Variants in SGMS1 observed in about 807,000 individuals in gnomAD.
SGMS1 encodes the protein phosphatidylcholine:ceramide cholinephosphotransferase 1.
In SGMS1, 13 loss-of-function variants were observed where a neutral mutation model predicts 46.2. The observed-to-expected ratio is 0.28, with a 90% CI of 0.18 to 0.45. SGMS1 has a LOEUF of 0.45. Ranked by LOEUF, SGMS1 falls within the 20% of genes least tolerant of loss-of-function variation. SGMS1 has a pLI of 1.00. For synonymous variants in SGMS1, 203 were observed against 187.8 expected (o/e 1.08, Z -0.66); for missense variants, 324 against 519.9 (o/e 0.62, Z 3.66).
chr10:50,476,487 A>G (rs1322181817), intron 3 of SGMS1, among the ~76,000 whole-genome samples: 1 of 152,118 alleles, frequency 6.6e-6, no homozygotes, highest in Admixed American at 6.6e-5. Flanking sequence ...AGAAAAGAAA[A>G]ACCCATTTTC....
At chr10:50,335,373 G>A (rs918367087) in intron 7 of SGMS1, 2 of 152,238 alleles carry the variant, frequency 1.3e-5, no homozygotes, top group Admixed American at 1.3e-4. Context: ...GGAACCAGGA[G>A]GATGCCAAGT....
At chr10:50,329,403 C>T (rs1847581120) in intron 7 of SGMS1, among the ~76,000 whole-genome samples, 1 of 152,148 alleles carries the variant, frequency 6.6e-6, no homozygotes, top group Admixed American at 6.6e-5. Context: ...CCATGTGAAA[C>T]TGTCAATGTT....
chr10:50,360,505 T>C (rs1848228974), intron 6 of SGMS1, among the ~76,000 whole-genome samples: 1 of 152,194 alleles, frequency 6.6e-6, no homozygotes, highest in African/African-American at 2.4e-5. Flanking sequence ...TCATTCTTAG[T>C]ACTAATTACC....
intron 6 of SGMS1, among the ~76,000 whole-genome samples, chr10:50,345,380 T>C (rs1014765408): frequency 6.6e-6 from 1 of 152,194 alleles, no homozygotes; most frequent in Non-Finnish European, 1.5e-5. Context: ...AACTTGCCCA[T>C]GGCCAAATGG....
chr10:50,400,781 TC>T (rs1848926747), intron 6 of SGMS1, among the ~76,000 whole-genome samples: 1 of 152,156 alleles, frequency 6.6e-6, no homozygotes, highest in Admixed American at 6.5e-5. Flanking sequence ...CTGTTCAATA[TC>T]AGTATGTGAC....
intron 5 of SGMS1, among the ~76,000 whole-genome samples, chr10:50,439,557 T>C (rs1177442355): frequency 6.6e-6 from 1 of 152,126 alleles, no homozygotes; most frequent in African/African-American, 2.4e-5. Context: ...ACATGAGAGA[T>C]GAAATCAATG....
chr10:50,338,463 A>G (rs1274274464), intron 7 of SGMS1, among the ~76,000 whole-genome samples: 1 of 152,214 alleles, frequency 6.6e-6, no homozygotes, highest in Non-Finnish European at 1.5e-5. Context: ...AATAAAATAT[A>G]TTCAAACAAA....
chr10:50,386,276 A>C (rs1220921682), intron 6 of SGMS1, among the ~76,000 whole-genome samples: 1 of 152,190 alleles, frequency 6.6e-6, no homozygotes, highest in Non-Finnish European at 1.5e-5. Context: ...TCAACTTTGG[A>C]AACACATGCC....
At chr10:50,496,531 C>T (rs1216876899) in intron 3 of SGMS1, among the ~76,000 whole-genome samples, 1 of 152,178 alleles carries the variant, frequency 6.6e-6, no homozygotes, top group Non-Finnish European at 1.5e-5. Flanking sequence ...CCCATTTGTC[C>T]TGTTCCTCAA....
chr10:50,368,605 C>T (rs1848387442), intron 6 of SGMS1, among the ~76,000 whole-genome samples: 1 of 152,232 alleles, frequency 6.6e-6, no homozygotes, highest in Non-Finnish European at 1.5e-5. Context: ...ATCTGCCCTC[C>T]TTGGCCTCCC....
intron 6 of SGMS1, among the ~76,000 whole-genome samples, chr10:50,424,418 TAAAAA>T (rs112261514): frequency 1.2e-4 from 18 of 152,010 alleles, no homozygotes; most frequent in African/African-American, 4.1e-4. Flanking sequence ...TTTTGCCTGT[TAAAAA>T]AAGAAGGTAC....
chr10:50,497,467 G>A (rs1243489485), intron 3 of SGMS1, among the ~76,000 whole-genome samples: 2 of 152,328 alleles, frequency 1.3e-5, no homozygotes, highest in South Asian at 4.1e-4. Context: ...GTGAGATTAT[G>A]CAAGAGAAGC....
chr10:50,442,923 T>C (rs2133641074), intron 5 of SGMS1, among the ~76,000 whole-genome samples: 1 of 152,346 alleles, frequency 6.6e-6, no homozygotes, highest in African/African-American at 2.4e-5. Context: ...GGCATCTTCT[T>C]CATGAAATCT....
At chr10:50,324,693 T>C (rs1847501690) in intron 8 of SGMS1, among the ~76,000 whole-genome samples, 1 of 152,250 alleles carries the variant, frequency 6.6e-6, no homozygotes, top group Admixed American at 6.5e-5. Context: ...GCAAATATTC[T>C]GTTAACAAGC....
chr10:50,442,653 G>C (rs889703064), intron 5 of SGMS1, among the ~76,000 whole-genome samples: 2 of 152,142 alleles, frequency 1.3e-5, no homozygotes, highest in Non-Finnish European at 2.9e-5. Flanking sequence ...GAACATACCT[G>C]TGCATGTGTC....
At chr10:50,515,723 T>A (rs180725533) in intron 3 of SGMS1, among the ~76,000 whole-genome samples, 51 of 152,264 alleles carry the variant, frequency 3.3e-4, no homozygotes, top group African/African-American at 1.0e-3. Context: ...TGCTCAGCTT[T>A]CCAACCATTT....
At chr10:50,331,018 T>G (rs942864187) in intron 7 of SGMS1, among the ~76,000 whole-genome samples, 3 of 151,922 alleles carry the variant, frequency 2.0e-5, no homozygotes, top group African/African-American at 7.3e-5. Context: ...ATCAGAGAAA[T>G]GGGTGACAAA....
intron 2 of SGMS1, among the ~76,000 whole-genome samples, chr10:50,547,138 C>G (rs10826169): frequency 0.16 from 24,263 of 152,112 alleles, 2,390 homozygotes; most frequent in East Asian, 0.29. Flanking sequence ...CTAGAGGAGG[C>G]ACAGAAGAGT....
intron 6 of SGMS1, among the ~76,000 whole-genome samples, chr10:50,433,063 T>C (rs938414642): frequency 6.6e-6 from 1 of 152,198 alleles, no homozygotes; most frequent in African/African-American, 2.4e-5. Flanking sequence ...ATTCACCAAA[T>C]TTGTTCATAT....
Sources: allele counts gnomAD v4.1 joint callset (sites outside exome capture counted in the v4.1 genomes callset), GRCh38; gene constraint gnomAD v4.1.1; transcripts MANE v1.5; gene names NCBI Gene and HGNC (gene_info 2026-07-23, HGNC 2026-07-21).